The following ERC2 variants were observed in gnomAD, a reference collection of about 807,000 sequenced individuals.
ERC2 encodes the protein ELKS/RAB6-interacting/CAST family member 2.
A neutral mutation model predicts 114.8 loss-of-function variants in ERC2; 42 were observed. The ratio of observed to expected loss-of-function variants is 0.37; its 90% CI spans 0.29 to 0.47. The LOEUF (loss-of-function observed/expected upper bound fraction) is 0.47, where lower values mean the gene tolerates loss of function less well. Ranked by LOEUF, ERC2 falls within the 20% of genes least tolerant of loss-of-function variation. The pLI, the probability that ERC2 is intolerant of heterozygous loss-of-function variation, is 0.99. For missense variants in ERC2, 939 were observed against 1,150.7 expected (o/e 0.82, Z 2.66); for synonymous variants, 454 against 425.5 (o/e 1.07, Z -0.82).
intron 17 of ERC2, among the ~76,000 whole-genome samples, chr3:55,548,345 AAT>A (rs2054904851): frequency 6.6e-6 from 1 of 152,254 alleles, no homozygotes; most frequent in South Asian, 2.1e-4. Flanking sequence ...ATCATTTTGG[AAT>A]TACTCTACTA....
At chr3:55,803,557 T>C (rs2059384389) in intron 14 of ERC2, among the ~76,000 whole-genome samples, 1 of 152,098 alleles carries the variant, frequency 6.6e-6, no homozygotes, top group South Asian at 2.1e-4. Flanking sequence ...GGCATCATTT[T>C]TTTTTCAAGC....
intron 2 of ERC2, among the ~76,000 whole-genome samples, chr3:56,418,314 A>G (rs1190501779): frequency 6.7e-6 from 1 of 149,758 alleles, no homozygotes. Flanking sequence ...AAAAAAAAAA[A>G]GGATTCGGAA....
At chr3:55,713,183 A>G (rs892297807) in intron 15 of ERC2, among the ~76,000 whole-genome samples, 2 of 148,258 alleles carry the variant, frequency 1.3e-5, no homozygotes, top group Non-Finnish European at 3.0e-5. Context: ...TTTAATTCTA[A>G]GTATATACTT....
intron 14 of ERC2, among the ~76,000 whole-genome samples, chr3:55,809,052 A>T (rs141559938): frequency 6.6e-6 from 1 of 152,058 alleles, no homozygotes; most frequent in Non-Finnish European, 1.5e-5. Context: ...TTTTTAAAAA[A>T]ATCCTACAGA....
intron 5 of ERC2, among the ~76,000 whole-genome samples, chr3:56,146,299 C>CA (rs1053702205): frequency 1.3e-5 from 2 of 150,594 alleles, no homozygotes; most frequent in Admixed American, 6.6e-5. Context: ...AACAAACGAA[C>CA]AAAAAAAACC....
At chr3:55,789,508 A>T (rs2069805263) in intron 14 of ERC2, among the ~76,000 whole-genome samples, 1 of 152,258 alleles carries the variant, frequency 6.6e-6, no homozygotes, top group Admixed American at 6.5e-5. Context: ...GACAACACTG[A>T]TGCATAGAGA....
intron 13 of ERC2, among the ~76,000 whole-genome samples, chr3:55,928,659 G>T (rs2065891232): frequency 6.6e-6 from 1 of 152,028 alleles, no homozygotes; most frequent in Admixed American, 6.6e-5. Flanking sequence ...GTGCTTGTGG[G>T]GTATTACTCA....
At chr3:55,930,178 G>T (rs150833498) in intron 13 of ERC2, among the ~76,000 whole-genome samples, 1 of 152,162 alleles carries the variant, frequency 6.6e-6, no homozygotes, top group African/African-American at 2.4e-5. Context: ...GGCAGAGGAC[G>T]CAGTGAGCTG....
intron 17 of ERC2, among the ~76,000 whole-genome samples, chr3:55,522,913 G>A (rs955097049): frequency 1.1e-4 from 16 of 152,222 alleles, no homozygotes; most frequent in African/African-American, 3.9e-4. Context: ...TTTCTGTGCT[G>A]CTTTTGTCCC....
At chr3:56,206,448 T>C (rs2048743274) in intron 3 of ERC2, among the ~76,000 whole-genome samples, 1 of 152,188 alleles carries the variant, frequency 6.6e-6, no homozygotes, top group Admixed American at 6.5e-5. Flanking sequence ...CAAGAAATGT[T>C]AGGTGAGTTG....
At chr3:56,220,158 T>C (rs1489747044) in intron 3 of ERC2, among the ~76,000 whole-genome samples, 1 of 152,172 alleles carries the variant, frequency 6.6e-6, no homozygotes, top group Non-Finnish European at 1.5e-5. Flanking sequence ...ACTGTGATTA[T>C]AGGGCTTTAT....
chr3:56,462,953 A>T (rs2063382662), intron 1 of ERC2, among the ~76,000 whole-genome samples: 1 of 152,170 alleles, frequency 6.6e-6, no homozygotes, highest in Non-Finnish European at 1.5e-5. Context: ...TTGGCTGGGC[A>T]TGGTGGCTCA....
intron 13 of ERC2, among the ~76,000 whole-genome samples, chr3:55,926,414 T>TAAAAA (rs148370132): frequency 5.5e-5 from 4 of 73,174 alleles, no homozygotes; most frequent in Admixed American, 1.4e-4. Flanking sequence ...TTTTTTGTTT[T>TAAAAA]TAAAAAAAAA....
At chr3:55,615,470 T>C (rs2059085388) in intron 17 of ERC2, among the ~76,000 whole-genome samples, 1 of 152,186 alleles carries the variant, frequency 6.6e-6, no homozygotes, top group Admixed American at 6.5e-5. Context: ...GGATAGAGCC[T>C]CCATGAATCC....
intron 3 of ERC2, among the ~76,000 whole-genome samples, chr3:56,237,623 C>T (rs929335294): frequency 6.6e-6 from 1 of 152,180 alleles, no homozygotes; most frequent in Admixed American, 6.5e-5. Flanking sequence ...AAACACCAAC[C>T]TGGCCTCCTC....
At chr3:55,519,146 T>C (rs1395207118) in intron 17 of ERC2, among the ~76,000 whole-genome samples, 3 of 152,180 alleles carry the variant, frequency 2.0e-5, no homozygotes, top group Non-Finnish European at 4.4e-5. Flanking sequence ...TTAGGTTACC[T>C]GCAGAGGGAA....
At chr3:56,380,359 C>T (rs12496048) in intron 2 of ERC2, among the ~76,000 whole-genome samples, 8,445 of 152,142 alleles carry the variant, frequency 0.056, 413 homozygotes, top group Admixed American at 0.15. Context: ...TACAAGTTCT[C>T]GTCTCATCTC....
intron 3 of ERC2, chr3:56,185,183 G>A (rs1480309051): frequency 1.3e-5 from 2 of 152,166 alleles, no homozygotes; most frequent in Admixed American, 6.6e-5. Flanking sequence ...GGTTAGTATT[G>A]GGGTGAGAGA....
intron 3 of ERC2, among the ~76,000 whole-genome samples, chr3:56,264,935 A>C (rs1049152508): frequency 6.6e-6 from 1 of 152,216 alleles, no homozygotes; most frequent in Non-Finnish European, 1.5e-5. Context: ...ACTATAACAC[A>C]TTGATAAAAG....
Sources: allele counts gnomAD v4.1 joint callset (sites outside exome capture counted in the v4.1 genomes callset), GRCh38; gene constraint gnomAD v4.1.1; transcripts MANE v1.5; gene names NCBI Gene and HGNC (gene_info 2026-07-23, HGNC 2026-07-21).